The following FBXL17 variants were observed in gnomAD, a reference collection of about 807,000 sequenced individuals.
FBXL17 encodes the protein F-box and leucine rich repeat protein 17, also known as F-box/LRR-repeat protein 17.
Under a neutral mutation model 66.2 loss-of-function variants are expected in FBXL17, and 22 were observed. That is an observed-to-expected ratio of 0.33 (90% CI 0.24 to 0.47). The LOEUF (loss-of-function observed/expected upper bound fraction) is 0.47. Ranked by LOEUF, FBXL17 falls within the 20% of genes least tolerant of loss-of-function variation. FBXL17 has a pLI of 1.00. For synonymous variants in FBXL17, 474 were observed against 400.5 expected, an observed-to-expected ratio of 1.18 and a Z score of -2.19; for missense variants, 878 against 948.2, an observed-to-expected ratio of 0.93 and a Z score of 0.97.
chr5:107,956,795 T>C (rs1580246519), intron 7 of FBXL17, among the ~76,000 whole-genome samples: 1 of 152,138 alleles, frequency 6.6e-6, no homozygotes, highest in Non-Finnish European at 1.5e-5. Flanking sequence ...TCAAGAAATA[T>C]TGAAAATTTG....
intron 4 of FBXL17, chr5:108,299,700 G>T (rs1011560352): frequency 3.0e-6 from 3 of 984,176 alleles, no homozygotes; most frequent in African/African-American, 1.8e-5. Flanking sequence ...TTGGCTGCTT[G>T]TCCAGTAATG....
intron 4 of FBXL17, among the ~76,000 whole-genome samples, chr5:108,321,109 TC>T (rs1182313967): frequency 6.6e-6 from 1 of 151,364 alleles, no homozygotes; most frequent in African/African-American, 2.4e-5. Context: ...AATTTTCACA[TC>T]CAATATAACT....
chr5:108,042,780 T>A (rs938564362), intron 6 of FBXL17, among the ~76,000 whole-genome samples: 2 of 152,200 alleles, frequency 1.3e-5, no homozygotes, highest in Non-Finnish European at 2.9e-5. Context: ...AATTGTTGGG[T>A]CATACGGTAG....
At chr5:108,286,170 C>A (rs987070567) in intron 4 of FBXL17, among the ~76,000 whole-genome samples, 13 of 151,990 alleles carry the variant, frequency 8.6e-5, no homozygotes, top group Non-Finnish European at 1.5e-4. Flanking sequence ...CTATGACAAA[C>A]CCACAGCCAA....
chr5:108,251,978 C>T (rs1756374249), intron 4 of FBXL17, among the ~76,000 whole-genome samples: 1 of 151,832 alleles, frequency 6.6e-6, no homozygotes, highest in Admixed American at 6.6e-5. Flanking sequence ...TTATTACAAA[C>T]AATGATATAA....
At chr5:108,076,806 G>A (rs1326415434) in intron 6 of FBXL17, among the ~76,000 whole-genome samples, 1 of 152,146 alleles carries the variant, frequency 6.6e-6, no homozygotes, top group African/African-American at 2.4e-5. Flanking sequence ...TATTCCCTCT[G>A]AGGGAGGCTT....
chr5:108,186,375 TTTAA>T (rs1195288345), intron 5 of FBXL17, 128 bp from the exon 6 acceptor site: 2 of 675,912 alleles, frequency 3.0e-6, no homozygotes, highest in East Asian at 5.6e-5. Context: ...GCTAGAATCT[TTTAA>T]TTAAAGATAT....
intron 4 of FBXL17, among the ~76,000 whole-genome samples, chr5:108,261,005 T>C (rs775992024): frequency 1.3e-5 from 2 of 152,048 alleles, no homozygotes; most frequent in Non-Finnish European, 2.9e-5. Context: ...TAAGGAAAGA[T>C]AGCAATGTGA....
At chr5:108,205,757 G>A (rs181666845) in intron 5 of FBXL17, among the ~76,000 whole-genome samples, 244 of 152,054 alleles carry the variant, frequency 1.6e-3, no homozygotes, top group Middle Eastern at 3.4e-3. Context: ...ACAGAGTCTC[G>A]CTCTGTCACC....
intron 7 of FBXL17, among the ~76,000 whole-genome samples, chr5:107,929,328 G>C (rs1041844357): frequency 5.9e-5 from 9 of 152,058 alleles, no homozygotes; most frequent in African/African-American, 2.2e-4. Context: ...TCCTACTCTG[G>C]TCTCATTACT....
chr5:108,278,659 G>T (rs116468976), intron 4 of FBXL17, among the ~76,000 whole-genome samples: 3,576 of 152,302 alleles, frequency 0.023, 127 homozygotes, highest in African/African-American at 0.081. Context: ...CAGGGAAAAT[G>T]GAATGAGCCC....
At chr5:108,176,945 A>G (rs996832792) in intron 6 of FBXL17, among the ~76,000 whole-genome samples, 1 of 152,178 alleles carries the variant, frequency 6.6e-6, no homozygotes, top group Non-Finnish European at 1.5e-5. Context: ...TACTTAAAAA[A>G]GTAGAGATTA....
In FBXL17 at chr5:108,381,019, C is replaced by CGCCGCCGCCGCCGCA. The variant is rs987105341; in HGVS notation, c.658_672dup (p.Cys220_Gly224dup). Reference sequence around the variant, plus strand: ...GCAGGCCCTCCCCCGCCACCGCCGCCGCCGCCGCCGCCGCAGCCCCCGCCG... The same window carrying CGCCGCCGCCGCCGCA: ...GCAGGCCCTCCCCCGCCACCGCCGCCGCCGCCGCCGCCGCAGCCGCCGCCGCCGCAGCCCCCGCCG... On this transcript the variant is annotated inframe_insertion, in exon 1 of 9. Transcript: ENST00000542267. 9.3e-6 allele frequency: 11 copies of CGCCGCCGCCGCCGCA among 1,187,340 alleles called. No individual in the cohort carries two copies. The highest frequency in any genetic ancestry group is 4.8e-5 in the African/African-American group (3 of 62,206). 73.6% of individuals were successfully genotyped at this position (1,187,340 alleles called of 1,614,324 possible).
At chr5:108,189,242 G>A (rs910097178) in intron 5 of FBXL17, among the ~76,000 whole-genome samples, 29 of 145,022 alleles carry the variant, frequency 2.0e-4, no homozygotes, top group Non-Finnish European at 1.1e-4. Context: ...TCTTTCTAGA[G>A]CTGAAGTTCT....
intron 6 of FBXL17, among the ~76,000 whole-genome samples, chr5:108,065,262 T>G (rs1748075220): frequency 6.6e-6 from 1 of 152,210 alleles, no homozygotes; most frequent in South Asian, 2.1e-4. Flanking sequence ...GTTTTGCTTC[T>G]TAACTTTCCA....
At chr5:107,922,884 G>A (rs534063902) in intron 7 of FBXL17, among the ~76,000 whole-genome samples, 13 of 152,260 alleles carry the variant, frequency 8.5e-5, no homozygotes, top group Admixed American at 5.2e-4. Context: ...AACTTCTTGC[G>A]GGGCAGGAAT....
intron 6 of FBXL17, among the ~76,000 whole-genome samples, chr5:108,046,808 T>C (rs1439867322): frequency 6.6e-6 from 1 of 152,238 alleles, no homozygotes; most frequent in Non-Finnish European, 1.5e-5. Context: ...GCTTCAACCA[T>C]CAAATACAAT....
chr5:108,310,047 T>G (rs1759042942), intron 4 of FBXL17, among the ~76,000 whole-genome samples: 1 of 152,132 alleles, frequency 6.6e-6, no homozygotes, highest in African/African-American at 2.4e-5. Context: ...AGTTAAATAT[T>G]TAAGGTTTTT....
intron 4 of FBXL17, among the ~76,000 whole-genome samples, chr5:108,317,249 C>A (rs1295244581): frequency 6.6e-6 from 1 of 151,206 alleles, no homozygotes; most frequent in Non-Finnish European, 1.5e-5. Context: ...TACATAAAAT[C>A]TTCCTCATAA....
Sources: gnomAD v4.1 joint callset for allele counts (sites outside exome capture counted in the v4.1 genomes callset) on GRCh38, gnomAD v4.1.1 for gene constraint, MANE v1.5 for transcripts, NCBI Gene and HGNC (gene_info 2026-07-23, HGNC 2026-07-21) for gene names.